The following CHIC1 variants were observed in gnomAD, a reference collection of about 807,000 sequenced individuals.
The protein encoded by CHIC1 is cysteine-rich hydrophobic domain-containing protein 1.
Under a neutral mutation model 18.5 loss-of-function variants are expected in CHIC1, and 7 were observed. The ratio of observed to expected loss-of-function variants is 0.38; its 90% CI spans 0.22 to 0.71. CHIC1 has a LOEUF of 0.71. CHIC1 is among the 30% of genes least tolerant of loss of function. CHIC1 has a pLI of 0.49. For synonymous variants in CHIC1, 77 were observed against 73.5 expected (o/e 1.05, Z -0.25); for missense variants, 159 against 176.9 (o/e 0.90, Z 0.57).
At chrX:73,636,702 G>T (rs1424386837) in intron 3 of CHIC1, among the ~76,000 whole-genome samples, 1 of 108,085 alleles carries the variant, frequency 9.3e-6, no homozygotes, top group African/African-American at 3.4e-5. Flanking sequence ...TATCTCTGTG[G>T]TTACCGTGGA....
chrX:73,613,826 C>CCCTT (rs779364185), intron 3 of CHIC1, among the ~76,000 whole-genome samples: 1 of 109,736 alleles, frequency 9.1e-6, no homozygotes, highest in South Asian at 3.9e-4. Context: ...CTTCCTTGCT[C>CCCTT]CCTTCCTTCC....
intron 3 of CHIC1, among the ~76,000 whole-genome samples, chrX:73,627,011 C>T (rs1188174658): frequency 1.8e-5 from 2 of 110,055 alleles, no homozygotes; most frequent in African/African-American, 6.6e-5. Context: ...TATGGGGCAT[C>T]CTGAGCCTAC....
At chrX:73,670,594 A>ATTCT (rs58923477) in intron 3 of CHIC1, among the ~76,000 whole-genome samples, 5,490 of 108,782 alleles carry the variant, frequency 0.05, 363 homozygotes, top group African/African-American at 0.17. Context: ...TCTTTCTTCT[A>ATTCT]TTCTTATATT....
intron 3 of CHIC1, among the ~76,000 whole-genome samples, chrX:73,642,417 C>T (rs745314392): frequency 4.1e-4 from 45 of 110,672 alleles, no homozygotes; most frequent in East Asian, 2.0e-3. Context: ...TTCTGGATAT[C>T]AGCCCTTTGT....
chrX:73,584,270 C>A, intron 2 of CHIC1, 147 bp from the exon 3 acceptor site: 2 of 435,760 alleles, frequency 4.6e-6, no homozygotes, highest in Non-Finnish European at 3.7e-6. Flanking sequence ...CAACGTCATC[C>A]TAGAGTGCGT....
intron 3 of CHIC1, among the ~76,000 whole-genome samples, chrX:73,673,229 G>A (rs758656161): frequency 5.4e-5 from 6 of 111,350 alleles, no homozygotes; most frequent in African/African-American, 1.3e-4. Flanking sequence ...TTGGCGATGC[G>A]GGCTCTTTTT....
chrX:73,680,881 G>T, intron 5 of CHIC1, 74 bp from the exon 6 acceptor site: 1 of 536,012 alleles, frequency 1.9e-6, no homozygotes. Flanking sequence ...AATGATTATA[G>T]ACTTTCTGGG....
chrX:73,566,020 C>T (rs979861084), intron 1 of CHIC1, among the ~76,000 whole-genome samples: 3 of 111,050 alleles, frequency 2.7e-5, no homozygotes, highest in African/African-American at 9.8e-5. Flanking sequence ...TGTTTCATTT[C>T]TTTCCTTGAT....
intron 3 of CHIC1, among the ~76,000 whole-genome samples, chrX:73,638,541 T>C (rs976549928): frequency 1.8e-5 from 2 of 111,221 alleles, no homozygotes; most frequent in Non-Finnish European, 3.8e-5. Flanking sequence ...AAAAAAAATA[T>C]TTTAGGTTCA....
intron 3 of CHIC1, among the ~76,000 whole-genome samples, chrX:73,642,849 C>A (rs2057865273): frequency 9.3e-6 from 1 of 107,416 alleles, no homozygotes; most frequent in Non-Finnish European, 1.9e-5. Flanking sequence ...GGTGTTATTT[C>A]TGAGGGCTCT....
chrX:73,574,453 GGAAA>G (rs758377646), intron 1 of CHIC1, among the ~76,000 whole-genome samples: 71 of 110,799 alleles, frequency 6.4e-4, no homozygotes, highest in Non-Finnish European at 1.2e-3. Flanking sequence ...GGATGAGTTG[GGAAA>G]GAGTCCTTCC....
chrX:73,595,353 G>T (rs1299169132), intron 3 of CHIC1, among the ~76,000 whole-genome samples: 1 of 110,356 alleles, frequency 9.1e-6, no homozygotes, highest in African/African-American at 3.3e-5. Context: ...GCCCCGGTGT[G>T]TGCTGTACCC....
At position 73,681,076 on chromosome X, in the gene CHIC1, A is replaced by C. The variant is rs980279981; in HGVS notation, c.*71A>C. ...TTAGTGCCTTGTAGATTTGGAATGA[A>C]GATGGTCTCCTTTGCTGTGTTCAAC... On this transcript the variant is annotated 3_prime_UTR_variant, in exon 6 of 6. Transcript: ENST00000373502. The C allele has an allele frequency of 2.3e-5, 14 of 597,789 alleles. No individual in the cohort carries two copies. The African/African-American group carries it at 3.0e-4, about 13-fold the overall frequency. The allele number at this position is 597,789 out of a possible 1,213,427, so 49.3% of individuals were successfully genotyped here.
At chrX:73,569,631 A>G (rs945065311) in intron 1 of CHIC1, among the ~76,000 whole-genome samples, 1 of 111,724 alleles carries the variant, frequency 9.0e-6, no homozygotes, top group Admixed American at 9.5e-5. Flanking sequence ...TCTTAACTTA[A>G]TGGTTTGTTT....
intron 3 of CHIC1, among the ~76,000 whole-genome samples, chrX:73,662,806 G>A (rs763050436): frequency 1.3e-4 from 14 of 110,900 alleles, no homozygotes; most frequent in Admixed American, 4.8e-4. Context: ...CAACAGGGGC[G>A]TATAAACTTA....
chrX:73,602,451 C>T (rs1452753887), intron 3 of CHIC1, among the ~76,000 whole-genome samples: 1 of 108,435 alleles, frequency 9.2e-6, no homozygotes, highest in South Asian at 3.8e-4. Context: ...AACATTTTCT[C>T]CCAATCTGTA....
At chrX:73,571,185 C>G (rs1249545155) in intron 1 of CHIC1, among the ~76,000 whole-genome samples, 5 of 109,549 alleles carry the variant, frequency 4.6e-5, no homozygotes, top group Admixed American at 9.8e-5. Flanking sequence ...TATTTGATAT[C>G]TAGTAGGGGA....
chrX:73,668,766 C>T (rs1434225594), intron 3 of CHIC1, among the ~76,000 whole-genome samples: 1 of 112,228 alleles, frequency 8.9e-6, no homozygotes, highest in African/African-American at 3.2e-5. Flanking sequence ...CCAGCCTGAA[C>T]ATGTCTGTAG....
intron 3 of CHIC1, among the ~76,000 whole-genome samples, chrX:73,615,689 G>T (rs980158924): frequency 9.0e-6 from 1 of 111,352 alleles, no homozygotes; most frequent in Non-Finnish European, 1.9e-5. Context: ...AGCTGGTCCA[G>T]ATGGATGTGT....
Sources: allele counts gnomAD v4.1 joint callset (sites outside exome capture counted in the v4.1 genomes callset), GRCh38; gene constraint gnomAD v4.1.1; transcripts MANE v1.5; gene names NCBI Gene and HGNC (gene_info 2026-07-23, HGNC 2026-07-21).